ING5: variants seen among roughly 807,000 people sequenced by gnomAD.
The protein encoded by ING5 is inhibitor of growth protein 5.
Under a neutral mutation model 37.4 loss-of-function variants are expected in ING5, and 17 were observed. The ratio of observed to expected loss-of-function variants is 0.45; its 90% confidence interval spans 0.31 to 0.68. The LOEUF (loss-of-function observed/expected upper bound fraction) is 0.68. Among genes scored for constraint, ING5 ranks in the 30% least tolerant of loss-of-function variants. ING5 has a pLI of 0.05. For missense variants in ING5, 233 were observed against 311.9 expected, an observed-to-expected ratio of 0.75 and a Z score of 1.91; for synonymous variants, 123 against 116.6, an observed-to-expected ratio of 1.06 and a Z score of -0.36.
chr2:241,719,981 G>A, intron 5 of ING5: 1 of 1,267,676 alleles, frequency 7.9e-7, no homozygotes, highest in Non-Finnish European at 9.9e-7. Context: ...CCAAGTGGCA[G>A]TGCTGCTCCT....
At chr2:241,718,732 T>A (rs62191353) in intron 5 of ING5, among the ~76,000 whole-genome samples, 57,835 of 151,824 alleles carry the variant, frequency 0.38, 11,179 homozygotes, top group South Asian at 0.5. Flanking sequence ...TTAGTTTTAA[T>A]CTCCTTTAAT....
At chr2:241,697,083 C>CA (rs1001277804), upstream of ING5, among the ~76,000 whole-genome samples, 3 of 149,094 alleles carry the variant, frequency 2.0e-5, no homozygotes, top group African/African-American at 7.4e-5. Flanking sequence ...GACTCCGTTT[C>CA]AAAATAATAA....
At chr2:241,710,160 G>T (rs2070063395) in intron 3 of ING5, among the ~76,000 whole-genome samples, 1 of 152,122 alleles carries the variant, frequency 6.6e-6, no homozygotes, top group South Asian at 2.1e-4. Context: ...AGGCTGGAGT[G>T]CAATGGTGCT....
intron 2 of ING5, among the ~76,000 whole-genome samples, chr2:241,691,186 C>T (rs1457738915): frequency 1.5e-4 from 23 of 151,712 alleles, no homozygotes; most frequent in African/African-American, 5.3e-4. Context: ...CACCTGTAAT[C>T]CCAGCACTTT....
At position 241,702,053 on chromosome 2, in the gene ING5, GC is replaced by G. The variant is rs1029870426; in HGVS notation, c.-11del. On this transcript the variant is annotated 5_prime_UTR_variant, in exon 1 of 8. Coordinates refer to ENST00000313552, the MANE Select transcript of ING5 (RefSeq NM_032329.6). ...CCCGCCCGCGCAGACCCCGAGCGCGGCCGCGGACGAAGATGGCGACCGCCAT... is the reference window on the plus strand; with the variant it reads ...CCCGCCCGCGCAGACCCCGAGCGCGGCGCGGACGAAGATGGCGACCGCCAT... 12 of 1,387,364 alleles carry G rather than the reference GC, an allele frequency of 8.6e-6. 1 individual carries two copies. In the Admixed American group the frequency reaches 3.6e-4, roughly 41 times the overall value. 85.9% of individuals were successfully genotyped at this position (1,387,364 alleles called of 1,614,324 possible). A position where few individuals can be genotyped will look rare whatever the true frequency, so the allele number is the denominator to read the frequency against.
chr2:241,713,906 T>A (rs2124923780), intron 5 of ING5, among the ~76,000 whole-genome samples: 1 of 151,948 alleles, frequency 6.6e-6, no homozygotes, highest in South Asian at 2.1e-4. Context: ...AGGGAGATTG[T>A]TTGAACCCGG....
At chr2:241,696,465 G>C (rs1330275994) in intron 2 of ING5, among the ~76,000 whole-genome samples, 1 of 152,026 alleles carries the variant, frequency 6.6e-6, no homozygotes, top group Non-Finnish European at 1.5e-5. Flanking sequence ...AAAATGGTGA[G>C]TCAGTAAAAG....
At chr2:241,711,566 T>C in intron 4 of ING5, 78 bp downstream of exon 4, 1 of 1,064,484 alleles carries the variant, frequency 9.4e-7, no homozygotes, top group Admixed American at 2.3e-5. Context: ...CGGTAAATCA[T>C]TAAAGTATGA....
At position 241,693,128 on chromosome 2, in the gene ING5, G is replaced by A. The variant is rs528968053; in HGVS notation, c.43+2475G>A. 4.6e-5 allele frequency among the ~76,000 whole-genome samples: 7 copies of A among 151,956 alleles called. No homozygotes were observed. The South Asian group carries it at 8.3e-4, about 18-fold the overall frequency. Reference sequence around the variant, plus strand: ...ACACAAATTAGCTGGGTGTGGTGACGGGCGCCTGTAATCCCAGCTACTCAG... The same window carrying A: ...ACACAAATTAGCTGGGTGTGGTGACAGGCGCCTGTAATCCCAGCTACTCAG... On this transcript the variant is annotated intron_variant, in intron 2 of 7. Coordinates refer to the ING5 transcript ENST00000636051.
chr2:241,692,618 C>T (rs151021743), intron 2 of ING5, among the ~76,000 whole-genome samples: 69 of 152,148 alleles, frequency 4.5e-4, no homozygotes, highest in African/African-American at 1.5e-3. Context: ...TCTTTCAGGC[C>T]CTGCATACCA....
chr2:241,714,393 G>T (rs2070203243), intron 5 of ING5, among the ~76,000 whole-genome samples: 1 of 152,150 alleles, frequency 6.6e-6, no homozygotes, highest in Non-Finnish European at 1.5e-5. Context: ...AGTTATGGAA[G>T]TATTCAGGCT....
chr2:241,721,684 G>A (rs1389853118), intron 5 of ING5: 2 of 985,256 alleles, frequency 2.0e-6, no homozygotes, highest in Non-Finnish European at 2.4e-6. Context: ...TTCGTGGGTT[G>A]GAGGGTGGGA....
intron 2 of ING5, among the ~76,000 whole-genome samples, chr2:241,706,137 G>A (rs2069903311): frequency 6.6e-6 from 1 of 152,118 alleles, no homozygotes; most frequent in Admixed American, 6.6e-5. Flanking sequence ...AGAGCCCTCT[G>A]TCCTGGAGGC....
chr2:241,729,081 A>T lies in ING5; in HGVS notation c.*4050A>T, dbSNP rs1290816100. 1 of 152,350 alleles carries T rather than the reference A, an allele frequency of 6.6e-6. No homozygotes were observed. Among genetic ancestry groups the T allele is most frequent in the Non-Finnish European group, 1.5e-5 (1 of 68,044 alleles). The allele number at this position is 152,350 out of a possible 1,614,324, so 9.4% of individuals were successfully genotyped here. ...CTTCATGGTTTAGAGTAAAACCGTG[A>T]GGGATGTTAATTATGGGCATTGAAG... On this transcript the variant is annotated 3_prime_UTR_variant, in exon 8 of 8. Transcript: ENST00000313552.
chr2:241,702,502 G>T (rs1427459140), intron 1 of ING5, among the ~76,000 whole-genome samples: 1 of 152,042 alleles, frequency 6.6e-6, no homozygotes. Context: ...AGGAGCTGGC[G>T]CCCGCTGCGG....
chr2:241,694,740 C>T (rs1014548656), intron 2 of ING5, among the ~76,000 whole-genome samples: 1 of 147,952 alleles, frequency 6.8e-6, no homozygotes, highest in African/African-American at 2.5e-5. Context: ...CAATACTCGG[C>T]CAGGCATGGT....
intron 1 of ING5, among the ~76,000 whole-genome samples, chr2:241,703,644 C>A (rs2124879607): frequency 6.6e-6 from 1 of 152,058 alleles, no homozygotes; most frequent in South Asian, 2.1e-4. Context: ...TGGAGTCTCA[C>A]CCTGTTGCCC....
At chr2:241,701,474 G>C (rs2069723843), upstream of ING5, among the ~76,000 whole-genome samples, 1 of 152,184 alleles carries the variant, frequency 6.6e-6, no homozygotes, top group Non-Finnish European at 1.5e-5. Flanking sequence ...GTTGGCGGGG[G>C]AAGGGCGCCA....
At chr2:241,717,977 C>T (rs2124936503) in intron 5 of ING5, among the ~76,000 whole-genome samples, 1 of 152,198 alleles carries the variant, frequency 6.6e-6, no homozygotes. Flanking sequence ...TTTCTGCAAG[C>T]TTTTTTCTTT....
Sources: gnomAD v4.1 joint callset for allele counts (sites outside exome capture counted in the v4.1 genomes callset) on GRCh38, gnomAD v4.1.1 for gene constraint, MANE v1.5 for transcripts, NCBI Gene and HGNC (gene_info 2026-07-23, HGNC 2026-07-21) for gene names.